LRRC4C: variants seen among roughly 807,000 people sequenced by gnomAD.
LRRC4C encodes the protein leucine rich repeat containing 4C.
LRRC4C carries 5 observed loss-of-function variants against 33.6 expected under a neutral mutation model. That is an observed-to-expected ratio of 0.15 (90% CI 0.08 to 0.31). LRRC4C has a LOEUF of 0.31. Among genes scored for constraint, LRRC4C ranks in the 10% least tolerant of loss-of-function variants. The probability of loss-of-function intolerance (pLI) is 1.00; values close to 1 mark genes in which losing one functional copy is unlikely to be tolerated. For synonymous variants in LRRC4C, 329 were observed against 302.0 expected (o/e 1.09, Z -0.93); for missense variants, 560 against 796.7 (o/e 0.70, Z 3.58).
intron 1 of LRRC4C, among the ~76,000 whole-genome samples, chr11:41,396,911 A>G (rs1953840919): frequency 6.6e-6 from 1 of 152,046 alleles, no homozygotes; most frequent in Admixed American, 6.6e-5. Flanking sequence ...GAGACAGCCT[A>G]CAAAGTGAGA....
At chr11:40,857,289 T>A (rs1045468825) in intron 2 of LRRC4C, among the ~76,000 whole-genome samples, 9 of 152,194 alleles carry the variant, frequency 5.9e-5, no homozygotes, top group African/African-American at 2.2e-4. Context: ...GCTGTACTCA[T>A]CAACCTATCA....
At chr11:40,830,745 C>G (rs1456427711) in intron 2 of LRRC4C, among the ~76,000 whole-genome samples, 1 of 151,976 alleles carries the variant, frequency 6.6e-6, no homozygotes. Context: ...AGGTTGGTCA[C>G]CAATAACAAG....
intron 1 of LRRC4C, among the ~76,000 whole-genome samples, chr11:41,276,941 T>C (rs564933004): frequency 1.3e-5 from 2 of 152,260 alleles, no homozygotes; most frequent in South Asian, 4.1e-4. Flanking sequence ...TGAAATCCAT[T>C]TGAGATTTCT....
chr11:41,416,144 G>A (rs1269824549), intron 1 of LRRC4C, among the ~76,000 whole-genome samples: 2 of 151,930 alleles, frequency 1.3e-5, no homozygotes, highest in African/African-American at 2.4e-5. Flanking sequence ...TCATTTCTCC[G>A]ATTTGTGAGT....
chr11:41,147,607 C>A (rs1010353014), intron 1 of LRRC4C, among the ~76,000 whole-genome samples: 44 of 152,044 alleles, frequency 2.9e-4, no homozygotes, highest in African/African-American at 1.1e-3. Flanking sequence ...TTATGGGGTG[C>A]AACATGATAT....
At chr11:41,248,833 G>A (rs1948537804) in intron 1 of LRRC4C, among the ~76,000 whole-genome samples, 1 of 151,954 alleles carries the variant, frequency 6.6e-6, no homozygotes, top group Non-Finnish European at 1.5e-5. Flanking sequence ...TACTCTCTCC[G>A]AATCCGAAAT....
At chr11:40,624,326 A>G (rs1962735043) in intron 3 of LRRC4C, among the ~76,000 whole-genome samples, 1 of 152,144 alleles carries the variant, frequency 6.6e-6, no homozygotes, top group African/African-American at 2.4e-5. Flanking sequence ...TCTTTAGCTC[A>G]TTTTGTCCCC....
At chr11:41,101,633 G>A (rs1033159669) in intron 1 of LRRC4C, among the ~76,000 whole-genome samples, 3 of 152,110 alleles carry the variant, frequency 2.0e-5, no homozygotes, top group Non-Finnish European at 2.9e-5. Flanking sequence ...TCCACCCAGC[G>A]ATCCCATTAC....
chr11:41,221,835 C>A (rs1261442048), intron 1 of LRRC4C, among the ~76,000 whole-genome samples: 1 of 152,130 alleles, frequency 6.6e-6, no homozygotes, highest in Admixed American at 6.5e-5. Flanking sequence ...ATCATTAGTT[C>A]TAGTTTTAGA....
chr11:41,100,999 C>A (rs1452413707), intron 1 of LRRC4C, among the ~76,000 whole-genome samples: 1 of 151,794 alleles, frequency 6.6e-6, no homozygotes, highest in Non-Finnish European at 1.5e-5. Context: ...ATACAAAAGT[C>A]AACTCAAGAT....
intron 1 of LRRC4C, among the ~76,000 whole-genome samples, chr11:41,077,091 C>A (rs1052576641): frequency 1.1e-4 from 16 of 152,224 alleles, no homozygotes; most frequent in Non-Finnish European, 1.9e-4. Flanking sequence ...CCTTGTGCAG[C>A]TCTGCCCCTG....
chr11:41,293,727 A>C (rs1424120492), intron 1 of LRRC4C, among the ~76,000 whole-genome samples: 1 of 151,956 alleles, frequency 6.6e-6, no homozygotes, highest in Non-Finnish European at 1.5e-5. Flanking sequence ...CCTCCCGAGT[A>C]GCTGGGATTA....
intron 3 of LRRC4C, among the ~76,000 whole-genome samples, chr11:40,369,295 C>T (rs554889545): frequency 1.7e-4 from 26 of 152,296 alleles, no homozygotes; most frequent in Admixed American, 5.2e-4. Flanking sequence ...CTCAATGTTC[C>T]TTGTCCTCTT....
At chr11:41,305,213 G>A (rs1329800300) in intron 1 of LRRC4C, among the ~76,000 whole-genome samples, 6 of 52,128 alleles carry the variant, frequency 1.2e-4, no homozygotes, top group Admixed American at 2.2e-4. Context: ...CAGCCGCCCC[G>A]TCCGGGAGGG....
chr11:40,704,767 A>G (rs997933268), intron 2 of LRRC4C, among the ~76,000 whole-genome samples: 13 of 152,184 alleles, frequency 8.5e-5, no homozygotes, highest in African/African-American at 1.9e-4. Flanking sequence ...TAAGTGCTCA[A>G]TAAATATTAG....
chr11:40,364,146 C>A (rs1948096413), intron 3 of LRRC4C, among the ~76,000 whole-genome samples: 1 of 151,930 alleles, frequency 6.6e-6, no homozygotes, highest in Non-Finnish European at 1.5e-5. Flanking sequence ...ATACAGCAAC[C>A]ACCAGCATTA....
At chr11:40,691,311 C>T (rs549506422) in intron 2 of LRRC4C, among the ~76,000 whole-genome samples, 13 of 152,076 alleles carry the variant, frequency 8.5e-5, no homozygotes, top group South Asian at 6.2e-4. Flanking sequence ...GGAGCACTTC[C>T]GATACAGTTG....
At chr11:40,433,010 A>G (rs896670480) in intron 3 of LRRC4C, among the ~76,000 whole-genome samples, 1 of 152,192 alleles carries the variant, frequency 6.6e-6, no homozygotes, top group Non-Finnish European at 1.5e-5. Context: ...TAAGGAAAGC[A>G]TAATGAATAA....
intron 2 of LRRC4C, among the ~76,000 whole-genome samples, chr11:40,688,756 C>T (rs1274158448): frequency 1.3e-5 from 2 of 152,086 alleles, no homozygotes; most frequent in Admixed American, 6.6e-5. Context: ...ATTTAGAAGA[C>T]GTGTTTGATT....
Sources: gnomAD v4.1 joint callset for allele counts (sites outside exome capture counted in the v4.1 genomes callset) on GRCh38, gnomAD v4.1.1 for gene constraint, MANE v1.5 for transcripts, NCBI Gene and HGNC (gene_info 2026-07-23, HGNC 2026-07-21) for gene names.